NLGN1: variants seen among roughly 807,000 people sequenced by gnomAD.
The protein encoded by NLGN1 is neuroligin-1.
NLGN1 carries 12 observed loss-of-function variants against 65.5 expected under a neutral mutation model. The ratio of observed to expected loss-of-function variants is 0.18; its 90% CI spans 0.12 to 0.30. The LOEUF (loss-of-function observed/expected upper bound fraction) is 0.30, where lower values mean the gene tolerates loss of function less well. Ranked by LOEUF, NLGN1 falls within the 10% of genes least tolerant of loss-of-function variation. The pLI is 1.00. For synonymous variants in NLGN1, 350 were observed against 359.5 expected, an observed-to-expected ratio of 0.97 and a Z score of 0.30; for missense variants, 750 against 1,007.1, an observed-to-expected ratio of 0.74 and a Z score of 3.46.
chr3:173,922,528 T>C (rs1742247130), intron 4 of NLGN1, among the ~76,000 whole-genome samples: 1 of 152,148 alleles, frequency 6.6e-6, no homozygotes, highest in Admixed American at 6.6e-5. Context: ...AAAACTATTA[T>C]ACTTTCATAA....
intron 3 of NLGN1, among the ~76,000 whole-genome samples, chr3:173,803,612 A>G (rs538903068): frequency 6.4e-4 from 97 of 152,028 alleles, no homozygotes; most frequent in African/African-American, 2.2e-3. Flanking sequence ...TGTCAAACAA[A>G]AAAAATTAAA....
intron 2 of NLGN1, among the ~76,000 whole-genome samples, chr3:173,520,426 T>C (rs1396464427): frequency 6.6e-6 from 1 of 152,198 alleles, no homozygotes; most frequent in African/African-American, 2.4e-5. Context: ...AAAGGAGTGA[T>C]AATCCATTTA....
At chr3:174,269,705 CAGAAGA>C (rs766359687) in intron 4 of NLGN1, among the ~76,000 whole-genome samples, 1 of 151,838 alleles carries the variant, frequency 6.6e-6, no homozygotes, top group Non-Finnish European at 1.5e-5. Flanking sequence ...TATATATACC[CAGAAGA>C]ACGATGCTGA....
At chr3:173,893,409 G>A (rs541126022) in intron 4 of NLGN1, among the ~76,000 whole-genome samples, 3 of 152,242 alleles carry the variant, frequency 2.0e-5, no homozygotes, top group East Asian at 1.9e-4. Flanking sequence ...TCAATAAAAT[G>A]GTTGTATCAA....
chr3:173,779,481 T>TC (rs1389885501), intron 3 of NLGN1, among the ~76,000 whole-genome samples: 1 of 37,866 alleles, frequency 2.6e-5, no homozygotes, highest in African/African-American at 2.0e-4. Context: ...TGGTTTTTAC[T>TC]CTCCCTTATT....
intron 4 of NLGN1, among the ~76,000 whole-genome samples, chr3:173,961,090 A>C (rs1411771614): frequency 6.6e-6 from 1 of 152,094 alleles, no homozygotes; most frequent in Non-Finnish European, 1.5e-5. Context: ...CCAATGTGAT[A>C]ATCTACCTTC....
intron 2 of NLGN1, among the ~76,000 whole-genome samples, chr3:173,594,656 G>A (rs1026667246): frequency 6.6e-6 from 1 of 152,230 alleles, no homozygotes; most frequent in African/African-American, 2.4e-5. Context: ...CTGTGTTGGG[G>A]CTCTGATCCC....
chr3:174,024,674 C>T (rs1249154354), intron 4 of NLGN1, among the ~76,000 whole-genome samples: 1 of 152,134 alleles, frequency 6.6e-6, no homozygotes, highest in Non-Finnish European at 1.5e-5. Context: ...AGTCTTCTAT[C>T]CAAAGCATTG....
chr3:173,827,570 A>T (rs1721588721), intron 4 of NLGN1, among the ~76,000 whole-genome samples: 1 of 152,072 alleles, frequency 6.6e-6, no homozygotes, highest in African/African-American at 2.4e-5. Context: ...GGAAGCATGG[A>T]AAACAGAGAC....
intron 3 of NLGN1, among the ~76,000 whole-genome samples, chr3:173,807,349 G>A (rs998907114): frequency 1.3e-5 from 2 of 152,040 alleles, no homozygotes; most frequent in Non-Finnish European, 2.9e-5. Context: ...GTAGTCCTAA[G>A]AATCATTGCC....
At chr3:173,657,121 A>G (rs754074468) in intron 3 of NLGN1, among the ~76,000 whole-genome samples, 10 of 152,094 alleles carry the variant, frequency 6.6e-5, no homozygotes, top group Admixed American at 1.3e-4. Context: ...GTTGTTAGGC[A>G]TAGAACTTTG....
intron 4 of NLGN1, among the ~76,000 whole-genome samples, chr3:174,126,129 C>T (rs966486421): frequency 6.6e-6 from 1 of 152,148 alleles, no homozygotes; most frequent in African/African-American, 2.4e-5. Context: ...TACTCTGTCA[C>T]TGCCACTAGA....
At chr3:173,631,551 T>C (rs1224639228) in intron 3 of NLGN1, among the ~76,000 whole-genome samples, 2 of 152,168 alleles carry the variant, frequency 1.3e-5, no homozygotes, top group African/African-American at 4.8e-5. Context: ...ATTTTACTTC[T>C]CTCTTCGTAC....
intron 1 of NLGN1, among the ~76,000 whole-genome samples, chr3:173,422,870 A>G (rs1421603487): frequency 6.6e-6 from 1 of 152,208 alleles, no homozygotes; most frequent in African/African-American, 2.4e-5. Flanking sequence ...ATTCCTTGTC[A>G]GATGGATAAA....
chr3:173,866,373 C>CA (rs1730161492), intron 4 of NLGN1, among the ~76,000 whole-genome samples: 1 of 151,362 alleles, frequency 6.6e-6, no homozygotes, highest in Non-Finnish European at 1.5e-5. Context: ...AACAAACAAA[C>CA]AAAAAAAGGC....
chr3:173,540,621 C>A (rs886504084), intron 2 of NLGN1, among the ~76,000 whole-genome samples: 1 of 152,040 alleles, frequency 6.6e-6, no homozygotes. Flanking sequence ...TTAAGCAGGG[C>A]CAGGAAGTGC....
chr3:173,758,478 T>C (rs1434781821), intron 3 of NLGN1, among the ~76,000 whole-genome samples: 2 of 152,052 alleles, frequency 1.3e-5, no homozygotes, highest in African/African-American at 4.8e-5. Flanking sequence ...TGCTTTTAAC[T>C]CCCAGATCCC....
At chr3:173,542,879 A>C (rs1179320890) in intron 2 of NLGN1, among the ~76,000 whole-genome samples, 1 of 152,124 alleles carries the variant, frequency 6.6e-6, no homozygotes, top group Non-Finnish European at 1.5e-5. Context: ...TATAGAACGT[A>C]TCCTTTTATC....
At chr3:174,179,262 A>T (rs930506640) in intron 4 of NLGN1, among the ~76,000 whole-genome samples, 47 of 151,154 alleles carry the variant, frequency 3.1e-4, no homozygotes, top group African/African-American at 5.2e-4. Context: ...ATCTTGATTT[A>T]AAAAAAATAA....
Sources: allele counts gnomAD v4.1 joint callset (sites outside exome capture counted in the v4.1 genomes callset), GRCh38; gene constraint gnomAD v4.1.1; transcripts MANE v1.5; gene names NCBI Gene and HGNC (gene_info 2026-07-23, HGNC 2026-07-21).